Variants in KSR2 observed in about 807,000 individuals in gnomAD.
KSR2 encodes kinase suppressor of ras 2.
KSR2 carries 25 observed loss-of-function variants against 107.8 expected under a neutral mutation model. The observed-to-expected ratio is 0.23, with a 90% CI of 0.17 to 0.32. KSR2 has a LOEUF of 0.32. Ranked by LOEUF, KSR2 falls within the 10% of genes least tolerant of loss-of-function variation. KSR2 has a pLI of 1.00. For synonymous variants in KSR2, 480 were observed against 507.0 expected, an observed-to-expected ratio of 0.95 and a Z score of 0.71; for missense variants, 887 against 1,268.9, an observed-to-expected ratio of 0.70 and a Z score of 4.57.
chr12:117,894,467 C>T (rs552020857), intron 1 of KSR2, among the ~76,000 whole-genome samples: 1 of 152,130 alleles, frequency 6.6e-6, no homozygotes, highest in East Asian at 1.9e-4. Context: ...GAGTTCCTGG[C>T]CAGCCTGGGC....
chr12:117,898,061 C>T (rs1239351142), intron 1 of KSR2, among the ~76,000 whole-genome samples: 2 of 152,104 alleles, frequency 1.3e-5, no homozygotes, highest in African/African-American at 2.4e-5. Flanking sequence ...TTCCTGTGAA[C>T]GCGTCCAGCC....
At chr12:117,508,909 G>C (rs930894844) in intron 14 of KSR2, among the ~76,000 whole-genome samples, 1 of 150,616 alleles carries the variant, frequency 6.6e-6, no homozygotes, top group Non-Finnish European at 1.5e-5. Flanking sequence ...GAATGGATGA[G>C]AGGGTGGGTG....
At chr12:117,527,352 C>CACACACACACACACACAG (rs1565884977) in intron 12 of KSR2, among the ~76,000 whole-genome samples, 2 of 144,284 alleles carry the variant, frequency 1.4e-5, no homozygotes, top group African/African-American at 5.4e-5. Context: ...CACACAGACA[C>CACACACACACACACACAG]ACACACACAC....
chr12:117,958,094 A>G (rs1896566976), intron 1 of KSR2, among the ~76,000 whole-genome samples: 1 of 152,070 alleles, frequency 6.6e-6, no homozygotes, highest in South Asian at 2.1e-4. Context: ...TGGCCCCCCA[A>G]AGTCCTGGGA....
chr12:117,524,409 T>C (rs1874969106), intron 14 of KSR2, among the ~76,000 whole-genome samples: 1 of 152,186 alleles, frequency 6.6e-6, no homozygotes, highest in Non-Finnish European at 1.5e-5. Flanking sequence ...TACAGGCCTG[T>C]AATCCCAGCA....
chr12:117,733,121 T>C (rs1387224180), intron 4 of KSR2, among the ~76,000 whole-genome samples: 1 of 152,174 alleles, frequency 6.6e-6, no homozygotes, highest in Non-Finnish European at 1.5e-5. Flanking sequence ...CAACGCGCCA[T>C]GGCTTAAATG....
chr12:117,924,572 CAAAAAAA>C (rs58789868), intron 1 of KSR2, among the ~76,000 whole-genome samples: 24 of 39,522 alleles, frequency 6.1e-4, no homozygotes, highest in South Asian at 1.2e-3. Flanking sequence ...AGCTCCATCT[CAAAAAAA>C]AAAAAAAAAA....
chr12:117,926,017 T>C (rs1352101506), intron 1 of KSR2, among the ~76,000 whole-genome samples: 1 of 152,068 alleles, frequency 6.6e-6, no homozygotes, highest in African/African-American at 2.4e-5. Context: ...GCCAACATGG[T>C]GAAACCCTGT....
intron 3 of KSR2, among the ~76,000 whole-genome samples, chr12:117,793,575 CTTTACACCAAT>C (rs1890387778): frequency 7.4e-6 from 1 of 135,150 alleles, no homozygotes; most frequent in African/African-American, 2.9e-5. Flanking sequence ...ATGCACACAC[CTTTACACCAAT>C]ATGCACACAT....
In KSR2 at chr12:117,930,050, A is replaced by AT. The variant is rs574964074; in HGVS notation, c.180+38025dup. Among the ~76,000 whole-genome samples, 177 of 148,554 alleles carry AT rather than the reference A, an allele frequency of 1.2e-3. 1 individual carries two copies. Among genetic ancestry groups the AT allele is most frequent in the Admixed American group, 6.4e-3 (95 of 14,790 alleles). On this transcript the variant is annotated intron_variant, in intron 1 of 19. Coordinates refer to ENST00000339824, the MANE Select transcript of KSR2 (RefSeq NM_173598.6). Reference sequence around the variant, plus strand: ...GTATACATACCTCAATTTAAAAAAAATTTTTTTTTTTTGAGACAGAGTCTC... The same window carrying AT: ...GTATACATACCTCAATTTAAAAAAAATTTTTTTTTTTTTGAGACAGAGTCTC...
chr12:117,929,171 TA>T (rs1460198603), intron 1 of KSR2, among the ~76,000 whole-genome samples: 69 of 152,338 alleles, frequency 4.5e-4, no homozygotes, highest in African/African-American at 1.6e-3. Flanking sequence ...TGTAGGAATA[TA>T]CTCTAGGATT....
chr12:117,810,485 T>A (rs534118775), intron 3 of KSR2, among the ~76,000 whole-genome samples: 1 of 152,250 alleles, frequency 6.6e-6, no homozygotes, highest in East Asian at 1.9e-4. Context: ...CTAATTATTT[T>A]AATTTCTTGT....
chr12:117,737,975 A>C (rs536890686), intron 4 of KSR2, among the ~76,000 whole-genome samples: 2 of 152,252 alleles, frequency 1.3e-5, no homozygotes, highest in East Asian at 3.9e-4. Context: ...TTGAGTCCCA[A>C]GGTGTGCAAG....
At chr12:117,929,954 T>C (rs1357020781) in intron 1 of KSR2, among the ~76,000 whole-genome samples, 2 of 152,186 alleles carry the variant, frequency 1.3e-5, no homozygotes, top group Non-Finnish European at 2.9e-5. Context: ...TACATAGCAC[T>C]GTGAATGTAT....
intron 1 of KSR2, among the ~76,000 whole-genome samples, chr12:117,879,494 G>C (rs1336711718): frequency 1.3e-5 from 2 of 152,196 alleles, no homozygotes; most frequent in Non-Finnish European, 2.9e-5. Context: ...CAATTAAAGA[G>C]TAGTTTTTTA....
chr12:117,934,250 G>C (rs1895775749), intron 1 of KSR2, among the ~76,000 whole-genome samples: 1 of 152,086 alleles, frequency 6.6e-6, no homozygotes, highest in Non-Finnish European at 1.5e-5. Context: ...GCTTGGAAGG[G>C]ACTGATCTCG....
At chr12:117,797,094 T>C (rs1890658779) in intron 3 of KSR2, among the ~76,000 whole-genome samples, 1 of 152,020 alleles carries the variant, frequency 6.6e-6, no homozygotes, top group Admixed American at 6.6e-5. Context: ...CTCAAAAAAG[T>C]GAAACATAGA....
At chr12:117,685,936 C>A (rs1317592236) in intron 4 of KSR2, among the ~76,000 whole-genome samples, 2 of 152,248 alleles carry the variant, frequency 1.3e-5, no homozygotes, top group African/African-American at 4.8e-5. Context: ...CCCTTTATAT[C>A]CCTTTTTGCT....
Position 117,469,764 on chromosome 12 carries a change from T to G in KSR2, c.2744A>C (p.Gln915Pro), listed in dbSNP as rs1267488338. Residue 915 changes from glutamine to proline, a missense_variant, in exon 19 of 20, where the codon CAA becomes CCA. Gln to Pro is a moderately conservative substitution (Grantham distance 76). This residue lies in a region of KSR2 where 308 missense variants were observed against 506.2 expected (regional missense o/e 0.61). Coordinates refer to ENST00000339824, the MANE Select transcript of KSR2 (RefSeq NM_173598.6). ...CTTGGTGAAGGTAGGTCTCTCTTCTTGTTCAAAGGCCCAGCAGAAGAGAAG... is the reference window on the plus strand; with the variant it reads ...CTTGGTGAAGGTAGGTCTCTCTTCTGGTTCAAAGGCCCAGCAGAAGAGAAG... ...DILLFCWAFE[Q>P]EERPTFTKLM... 2 of 1,613,804 alleles carry G rather than the reference T, an allele frequency of 1.2e-6. No individual in the cohort carries two copies. The highest frequency in any genetic ancestry group is 1.1e-5 in the South Asian group (1 of 91,030).
Sources: allele counts gnomAD v4.1 joint callset (sites outside exome capture counted in the v4.1 genomes callset), GRCh38; gene constraint gnomAD v4.1.1; regional missense constraint gnomAD v4.1.1; transcripts MANE v1.5; gene names NCBI Gene and HGNC (gene_info 2026-07-23, HGNC 2026-07-21).